The following CHCHD6 variants were observed in gnomAD, a reference collection of about 807,000 sequenced individuals.
CHCHD6 encodes the protein MICOS complex subunit MIC25.
In CHCHD6, 28 loss-of-function variants were observed where a neutral mutation model predicts 32.3. That is an observed-to-expected ratio of 0.87 (90% CI 0.64 to 1.19). The LOEUF (loss-of-function observed/expected upper bound fraction) is 1.19, where lower values mean the gene tolerates loss of function less well. CHCHD6 is among the 50% of genes most tolerant of loss of function. CHCHD6 has a pLI of 0.00. For missense variants in CHCHD6, 333 were observed against 307.0 expected (o/e 1.08, Z -0.63); for synonymous variants, 122 against 117.5 (o/e 1.04, Z -0.25).
chr3:126,753,189 T>C lies in CHCHD6; in HGVS notation c.411+19967T>C, dbSNP rs547126403. 2.6e-5 allele frequency among the ~76,000 whole-genome samples: 4 copies of C among 152,236 alleles called. No homozygotes were observed. In the East Asian group the frequency reaches 7.7e-4, roughly 29 times the overall value. ...ACGATTTTGGCAGCCAAGGGGATTT[T>C]TTCAGGGCCCAGGGAAGGCACATGG... On this transcript the variant is annotated intron_variant, in intron 4 of 7. Coordinates refer to ENST00000290913, the MANE Select transcript of CHCHD6 (RefSeq NM_032343.3).
chr3:126,920,198 T>C (rs150221317), intron 6 of CHCHD6, among the ~76,000 whole-genome samples: 1,774 of 144,866 alleles, frequency 0.012, 18 homozygotes, highest in Middle Eastern at 0.049. Context: ...TTCTAAAAGT[T>C]CTATTTGCTT....
intron 4 of CHCHD6, among the ~76,000 whole-genome samples, chr3:126,847,984 G>A (rs950133906): frequency 1.3e-5 from 2 of 151,918 alleles, no homozygotes; most frequent in Non-Finnish European, 2.9e-5. Context: ...TTTATCTTTG[G>A]GTTTGTTATT....
chr3:126,816,741 C>G (rs1274672638), intron 4 of CHCHD6, among the ~76,000 whole-genome samples: 2 of 151,990 alleles, frequency 1.3e-5, no homozygotes, highest in African/African-American at 4.8e-5. Context: ...ACTTTAAGTT[C>G]TAGGGTACAT....
intron 4 of CHCHD6, among the ~76,000 whole-genome samples, chr3:126,749,673 T>C (rs559492080): frequency 1.3e-5 from 2 of 152,286 alleles, no homozygotes; most frequent in South Asian, 4.1e-4. Flanking sequence ...GTGCAAACTG[T>C]TTGCTCCATT....
intron 5 of CHCHD6, among the ~76,000 whole-genome samples, chr3:126,863,188 T>A (rs1942021488): frequency 8.6e-6 from 1 of 116,378 alleles, no homozygotes; most frequent in Non-Finnish European, 1.8e-5. Flanking sequence ...CTCCCCCTCC[T>A]CCACCATCAC....
In CHCHD6 at chr3:126,803,406, G is replaced by T. The variant is rs550484779; in HGVS notation, c.412-49241G>T. Among the ~76,000 whole-genome samples the T allele has an allele frequency of 2.0e-5, 3 of 152,144 alleles. No individual in the cohort carries two copies. In the East Asian group the frequency reaches 5.8e-4, roughly 29 times the overall value. On this transcript the variant is annotated intron_variant, in intron 4 of 7. Coordinates refer to ENST00000290913, the MANE Select transcript of CHCHD6 (RefSeq NM_032343.3). Reference sequence around the variant, plus strand: ...AAATGGAAAACAAAAAAAGGCAGGGGTTGCAATCCTAGTCTCTGATAAAAC... The same window carrying T: ...AAATGGAAAACAAAAAAAGGCAGGGTTTGCAATCCTAGTCTCTGATAAAAC...
chr3:126,960,314 C>A lies in CHCHD6; in HGVS notation c.*113C>A. 2.3e-6 allele frequency: 3 copies of A among 1,298,288 alleles called. No homozygotes were observed. Among genetic ancestry groups the A allele is most frequent in the Non-Finnish European group, 3.3e-6 (3 of 922,810 alleles). The allele number at this position is 1,298,288 out of a possible 1,614,324, so 80.4% of individuals were successfully genotyped here. A position where few individuals can be genotyped will look rare whatever the true frequency, so the allele number is the denominator to read the frequency against. On this transcript the variant is annotated 3_prime_UTR_variant, in exon 8 of 8. Coordinates refer to ENST00000290913, the MANE Select transcript of CHCHD6 (RefSeq NM_032343.3). ...TTTCCTGCTGGGCCCCTGCATATGC[C>A]CCTGAGCCTGGGGCTGCCACGTGTT...
intron 5 of CHCHD6, among the ~76,000 whole-genome samples, chr3:126,873,177 G>A (rs562150116): frequency 2.7e-4 from 41 of 152,344 alleles, no homozygotes; most frequent in Admixed American, 2.4e-3. Flanking sequence ...GAGGCCATGC[G>A]CATCATCTCT....
intron 5 of CHCHD6, among the ~76,000 whole-genome samples, chr3:126,862,315 ACCT>A (rs1393704785): frequency 2.7e-4 from 21 of 77,136 alleles, no homozygotes; most frequent in Non-Finnish European, 4.3e-4. Flanking sequence ...TACCATCATC[ACCT>A]CCTCCTCCTC....
intron 4 of CHCHD6, among the ~76,000 whole-genome samples, chr3:126,799,639 C>T (rs1397278257): frequency 1.3e-5 from 2 of 152,146 alleles, no homozygotes; most frequent in African/African-American, 2.4e-5. Flanking sequence ...GGGTGTCTCT[C>T]GTGTACCCCA....
At chr3:126,796,311 C>T (rs1185916241) in intron 4 of CHCHD6, among the ~76,000 whole-genome samples, 2 of 152,202 alleles carry the variant, frequency 1.3e-5, no homozygotes, top group Non-Finnish European at 2.9e-5. Context: ...GATCATGCCA[C>T]TGCACTCCAG....
At chr3:126,943,886 A>G (rs2078597605) in intron 6 of CHCHD6, among the ~76,000 whole-genome samples, 1 of 152,238 alleles carries the variant, frequency 6.6e-6, no homozygotes, top group African/African-American at 2.4e-5. Flanking sequence ...GTGAGCTGCC[A>G]GCTGATAAAA....
intron 4 of CHCHD6, among the ~76,000 whole-genome samples, chr3:126,755,049 G>A (rs982913365): frequency 2.6e-5 from 4 of 152,180 alleles, no homozygotes; most frequent in Non-Finnish European, 5.9e-5. Context: ...CCTGAAGAAC[G>A]ATGGCCTGGA....
intron 4 of CHCHD6, among the ~76,000 whole-genome samples, chr3:126,745,702 C>T (rs1310724316): frequency 6.6e-6 from 1 of 152,166 alleles, no homozygotes; most frequent in African/African-American, 2.4e-5. Context: ...TGAGTACACC[C>T]CTCCCCACCA....
intron 4 of CHCHD6, among the ~76,000 whole-genome samples, chr3:126,840,093 G>C (rs1156703442): frequency 2.6e-5 from 4 of 152,268 alleles, no homozygotes; most frequent in South Asian, 4.1e-4. Context: ...CTTTCACTTA[G>C]CGTAACGTTT....
intron 5 of CHCHD6, among the ~76,000 whole-genome samples, chr3:126,907,689 G>A (rs1262930818): frequency 1.3e-5 from 2 of 152,152 alleles, no homozygotes; most frequent in Non-Finnish European, 2.9e-5. Flanking sequence ...GGGCTTTCCT[G>A]TGTTCAATCT....
At chr3:126,758,244 G>A (rs922416102) in intron 4 of CHCHD6, among the ~76,000 whole-genome samples, 4 of 152,254 alleles carry the variant, frequency 2.6e-5, no homozygotes, top group Non-Finnish European at 5.9e-5. Flanking sequence ...AGCAGGTGCT[G>A]CCCTCAGCGT....
intron 1 of CHCHD6, among the ~76,000 whole-genome samples, chr3:126,717,622 C>G (rs1465778368): frequency 6.6e-6 from 1 of 152,208 alleles, no homozygotes; most frequent in Non-Finnish European, 1.5e-5. Flanking sequence ...AAAAAGAAAT[C>G]TGTAGCCATT....
At chr3:126,707,042 A>G (rs1490532922) in intron 1 of CHCHD6, among the ~76,000 whole-genome samples, 6 of 152,142 alleles carry the variant, frequency 3.9e-5, no homozygotes, top group African/African-American at 1.2e-4. Flanking sequence ...CGAAGTGGGC[A>G]GATCACCTGA....
Sources: gnomAD v4.1 joint callset for allele counts (sites outside exome capture counted in the v4.1 genomes callset) on GRCh38, gnomAD v4.1.1 for gene constraint, MANE v1.5 for transcripts, NCBI Gene and HGNC (gene_info 2026-07-23, HGNC 2026-07-21) for gene names.